Variants in PARD3B observed in about 807,000 individuals in gnomAD.
The protein encoded by PARD3B is partitioning defective 3 homolog B.
PARD3B carries 103 observed loss-of-function variants against 130.2 expected under a neutral mutation model. The observed-to-expected ratio is 0.79, with a 90% CI of 0.67 to 0.93. PARD3B has a LOEUF of 0.93. Among genes scored for constraint, PARD3B ranks in the 40% least tolerant of loss-of-function variants. The pLI, the probability that PARD3B is intolerant of heterozygous loss-of-function variation, is 0.00. For missense variants in PARD3B, 1,609 were observed against 1,499.2 expected (o/e 1.07, Z -1.21); for synonymous variants, 583 against 553.2 (o/e 1.05, Z -0.76).
At chr2:204,696,180 A>G (rs1428937794) in intron 2 of PARD3B, among the ~76,000 whole-genome samples, 1 of 151,944 alleles carries the variant, frequency 6.6e-6, no homozygotes. Flanking sequence ...TTAGGTTAGG[A>G]AAAATCTCAA....
At chr2:204,758,869 T>C (rs1040130202) in intron 2 of PARD3B, among the ~76,000 whole-genome samples, 5 of 152,180 alleles carry the variant, frequency 3.3e-5, no homozygotes, top group Non-Finnish European at 7.3e-5. Context: ...AACCCTAAAA[T>C]AGTTAAGTAT....
chr2:205,112,231 A>G (rs189510428), intron 5 of PARD3B, among the ~76,000 whole-genome samples: 49 of 152,256 alleles, frequency 3.2e-4, no homozygotes, highest in African/African-American at 1.2e-3. Flanking sequence ...AAATTTCATC[A>G]TATTCCACAA....
intron 15 of PARD3B, among the ~76,000 whole-genome samples, chr2:205,194,299 C>T (rs1478803024): frequency 1.3e-5 from 2 of 152,122 alleles, no homozygotes; most frequent in Non-Finnish European, 2.9e-5. Context: ...CATGATGAAA[C>T]AAGAGAAATT....
chr2:204,858,355 A>G (rs1179046349), intron 2 of PARD3B, among the ~76,000 whole-genome samples: 1 of 152,094 alleles, frequency 6.6e-6, no homozygotes, highest in Non-Finnish European at 1.5e-5. Context: ...GTGTGTATAC[A>G]CAATAGAATA....
rs2030799459 is a variant in PARD3B, at chr2:205,122,001, T to C, written c.1165+52T>C. The C allele has an allele frequency of 6.9e-7, 1 of 1,454,078 alleles. No homozygotes were observed. The highest frequency in any genetic ancestry group is 2.3e-5 in the East Asian group (1 of 43,886). 90.1% of individuals were successfully genotyped at this position (1,454,078 alleles called of 1,614,324 possible). Reference sequence around the variant, plus strand: ...ATTCTATTATTGTAACATGTAAAATTGGTTAAGAGAAATGCATTAAGGCTA... The same window carrying C: ...ATTCTATTATTGTAACATGTAAAATCGGTTAAGAGAAATGCATTAAGGCTA... On this transcript the variant is annotated intron_variant, in intron 8 of 22. Coordinates refer to ENST00000406610, the MANE Select transcript of PARD3B (RefSeq NM_001302769.2). The surrounding 1 kb of genome is among the most constrained non-coding windows in gnomAD (Gnocchi z 4.3).
chr2:205,022,032 A>G (rs953087632), intron 3 of PARD3B, among the ~76,000 whole-genome samples: 1 of 152,194 alleles, frequency 6.6e-6, no homozygotes, highest in Non-Finnish European at 1.5e-5. Context: ...TCTTACTTTC[A>G]TAATTTGCTC....
chr2:205,084,170 ACT>A (rs1185574734), intron 4 of PARD3B, among the ~76,000 whole-genome samples: 1 of 151,952 alleles, frequency 6.6e-6, no homozygotes, highest in Non-Finnish European at 1.5e-5. Flanking sequence ...GTCTATTATG[ACT>A]CTTTGCATTC....
chr2:204,695,295 C>G (rs1354599964), intron 2 of PARD3B, among the ~76,000 whole-genome samples: 1 of 151,794 alleles, frequency 6.6e-6, no homozygotes, highest in Non-Finnish European at 1.5e-5. Flanking sequence ...ACTTATGTAA[C>G]TTACGAATTA....
chr2:204,915,487 G>T (rs2047407623), intron 2 of PARD3B, among the ~76,000 whole-genome samples: 1 of 151,902 alleles, frequency 6.6e-6, no homozygotes, highest in South Asian at 2.1e-4. Context: ...TCATTATTTT[G>T]CCATATAAAT....
chr2:205,426,012 CA>C (rs2047133188), intron 19 of PARD3B, among the ~76,000 whole-genome samples: 2 of 151,878 alleles, frequency 1.3e-5, no homozygotes, highest in Non-Finnish European at 2.9e-5. Flanking sequence ...TTATTTATAT[CA>C]AGAAAAGTGA....
intron 16 of PARD3B, among the ~76,000 whole-genome samples, chr2:205,251,412 T>G (rs372897696): frequency 6.6e-6 from 1 of 152,306 alleles, no homozygotes. Context: ...TGCAAGTTAC[T>G]ACTTCAGCAG....
chr2:205,379,561 T>C (rs1490647600), intron 18 of PARD3B, among the ~76,000 whole-genome samples: 1 of 152,176 alleles, frequency 6.6e-6, no homozygotes, highest in Non-Finnish European at 1.5e-5. Context: ...TTTTACATTG[T>C]TATTTTAAAA....
At chr2:205,059,672 C>T (rs1330572694) in intron 4 of PARD3B, among the ~76,000 whole-genome samples, 1 of 152,064 alleles carries the variant, frequency 6.6e-6, no homozygotes, top group Admixed American at 6.6e-5. Context: ...AATTTCCTTC[C>T]ACATTAGAAC....
At chr2:204,656,770 C>T (rs1204201618) in intron 1 of PARD3B, among the ~76,000 whole-genome samples, 2 of 152,204 alleles carry the variant, frequency 1.3e-5, no homozygotes, top group Non-Finnish European at 2.9e-5. Context: ...GTGGGCTCAT[C>T]AGAAAGACTT....
intron 15 of PARD3B, among the ~76,000 whole-genome samples, chr2:205,218,486 C>T (rs183441228): frequency 6.6e-6 from 1 of 152,238 alleles, no homozygotes; most frequent in East Asian, 1.9e-4. Context: ...AAAAAGGTTA[C>T]ACTTTTGGTT....
chr2:204,957,120 A>G (rs963248029), intron 2 of PARD3B, among the ~76,000 whole-genome samples: 8 of 152,222 alleles, frequency 5.3e-5, no homozygotes, highest in East Asian at 1.9e-4. Flanking sequence ...CACAAATTCA[A>G]AATTCTCTCC....
Position 205,183,752 on chromosome 2 carries a change from GTGT to G in PARD3B, c.1925-2011_1925-2009del, listed in dbSNP as rs968504054. On this transcript the variant is annotated intron_variant, in intron 13 of 22. Coordinates refer to ENST00000406610, the MANE Select transcript of PARD3B (RefSeq NM_001302769.2). This position sits in a 1 kb window ranked among gnomAD's most constrained non-coding sequence, Gnocchi z 5.2. ...AAGTTGTGTGTGTGTGTGTGTGTGT[GTGT>G]GTGTGTGTGTGTGTGTGTGAACAGA... 2.0e-5 allele frequency among the ~76,000 whole-genome samples: 3 copies of G among 151,534 alleles called. No homozygotes were observed. Among genetic ancestry groups the G allele is most frequent in the Admixed American group, 1.3e-4 (2 of 15,188 alleles).
rs1488662159 is a variant in PARD3B, at chr2:205,142,749, G to A, written c.1435-15973G>A. Among the ~76,000 whole-genome samples, 4 of 152,060 alleles carry A rather than the reference G, an allele frequency of 2.6e-5. No homozygotes were observed. The highest frequency in any genetic ancestry group is 1.3e-4 in the Admixed American group (2 of 15,286). On this transcript the variant is annotated intron_variant, in intron 10 of 22. Coordinates refer to ENST00000406610, the MANE Select transcript of PARD3B (RefSeq NM_001302769.2). This position sits in a 1 kb window ranked among gnomAD's most constrained non-coding sequence, Gnocchi z 4.3. ...AAAAATTAGCCAGGCGTGGTGGTGC[G>A]TGCCTGTAATCCCAGCTACTCAGGA...
At position 205,325,227 on chromosome 2, in the gene PARD3B, T is replaced by A. The variant is rs1405140347; in HGVS notation, c.2630+23526T>A. On this transcript the variant is annotated intron_variant, in intron 18 of 22. Coordinates refer to ENST00000406610, the MANE Select transcript of PARD3B (RefSeq NM_001302769.2). This position sits in a 1 kb window ranked among gnomAD's most constrained non-coding sequence, Gnocchi z 4.1. ...GTGGTTTCACAGTTTCTTGAAGAGCTTAGATTTCTGAGGTGTTATACAATG... is the reference window on the plus strand; with the variant it reads ...GTGGTTTCACAGTTTCTTGAAGAGCATAGATTTCTGAGGTGTTATACAATG... Among the ~76,000 whole-genome samples, 5 of 152,196 alleles carry A rather than the reference T, an allele frequency of 3.3e-5. No homozygotes were observed. Among genetic ancestry groups the A allele is most frequent in the Non-Finnish European group, 7.3e-5 (5 of 68,038 alleles).
Sources: gnomAD v4.1 joint callset for allele counts (sites outside exome capture counted in the v4.1 genomes callset) on GRCh38, gnomAD v4.1.1 for gene constraint, Gnocchi (gnomAD v3.1) non-coding constraint, MANE v1.5 for transcripts, NCBI Gene and HGNC (gene_info 2026-07-23, HGNC 2026-07-21) for gene names.